The following KCNQ5 variants were observed in gnomAD, a reference collection of about 807,000 sequenced individuals.
KCNQ5 encodes potassium voltage-gated channel subfamily Q member 5.
In KCNQ5, 30 loss-of-function variants were observed where a neutral mutation model predicts 98.2. The observed-to-expected ratio is 0.31, with a 90% CI of 0.23 to 0.41. KCNQ5 has a LOEUF of 0.41. Ranked by LOEUF, KCNQ5 falls within the 10% of genes least tolerant of loss-of-function variation. The pLI is 1.00. For missense variants in KCNQ5, 835 were observed against 1,182.5 expected (o/e 0.71, Z 4.31); for synonymous variants, 458 against 449.4 (o/e 1.02, Z -0.24).
intron 2 of KCNQ5, among the ~76,000 whole-genome samples, chr6:73,018,646 A>G (rs1770458280): frequency 6.6e-6 from 1 of 152,130 alleles, no homozygotes; most frequent in Non-Finnish European, 1.5e-5. Context: ...TATAGTCCCC[A>G]TCGCTGTCTG....
In KCNQ5 at chr6:72,680,379, A is replaced by T. The variant is rs184055630; in HGVS notation, c.398+57792A>T. Among the ~76,000 whole-genome samples, 102 of 152,326 alleles carry T rather than the reference A, an allele frequency of 6.7e-4. 1 individual carries two copies. Among genetic ancestry groups the T allele is most frequent in the African/African-American group, 2.4e-3 (98 of 41,578 alleles). Reference sequence around the variant, plus strand: ...AATATTTCATTTCTTTTTACTGCTAAATAATATTCAGTTGTGTGGATATAC... The same window carrying T: ...AATATTTCATTTCTTTTTACTGCTATATAATATTCAGTTGTGTGGATATAC... On this transcript the variant is annotated intron_variant, in intron 1 of 13. Transcript: ENST00000370398.
At chr6:73,044,395 T>G (rs1231950040) in intron 3 of KCNQ5, among the ~76,000 whole-genome samples, 2 of 152,232 alleles carry the variant, frequency 1.3e-5, no homozygotes, top group Middle Eastern at 3.2e-3. Flanking sequence ...GGAAGAAAAT[T>G]TCATGGATAA....
chr6:72,711,833 A>T (rs537409677), intron 1 of KCNQ5, among the ~76,000 whole-genome samples: 1 of 152,338 alleles, frequency 6.6e-6, no homozygotes, highest in South Asian at 2.1e-4. Flanking sequence ...GTGCCATTTT[A>T]GAAGTGGAAA....
chr6:73,091,979 A>G (rs1774271679), intron 5 of KCNQ5, among the ~76,000 whole-genome samples: 1 of 151,864 alleles, frequency 6.6e-6, no homozygotes, highest in Non-Finnish European at 1.5e-5. Flanking sequence ...ATATGTTTCC[A>G]TTTGTTTGTG....
chr6:72,981,654 C>G (rs1246684680), intron 1 of KCNQ5, among the ~76,000 whole-genome samples: 1 of 152,190 alleles, frequency 6.6e-6, no homozygotes, highest in South Asian at 2.1e-4. Context: ...GTGTCTCTAA[C>G]TCCTTCAGTT....
chr6:73,099,724 A>G (rs1310018251), intron 5 of KCNQ5, among the ~76,000 whole-genome samples: 1 of 152,248 alleles, frequency 6.6e-6, no homozygotes, highest in Admixed American at 6.5e-5. Flanking sequence ...CCCCAAGTCA[A>G]TAATAGCTGG....
intron 1 of KCNQ5, among the ~76,000 whole-genome samples, chr6:72,867,967 CTACTAA>C (rs1212222192): frequency 6.7e-6 from 1 of 149,912 alleles, no homozygotes; most frequent in African/African-American, 2.5e-5. Context: ...ACTACTACTA[CTACTAA>C]TAATAATAAT....
At chr6:72,925,693 T>G (rs928091174) in intron 1 of KCNQ5, among the ~76,000 whole-genome samples, 4 of 152,138 alleles carry the variant, frequency 2.6e-5, no homozygotes, top group Non-Finnish European at 4.4e-5. Context: ...GTGGGCTTGT[T>G]GAAATCTAAA....
chr6:73,072,654 A>G (rs577204951), intron 3 of KCNQ5, among the ~76,000 whole-genome samples: 38 of 152,302 alleles, frequency 2.5e-4, no homozygotes, highest in African/African-American at 9.1e-4. Context: ...TGTGTCTTAA[A>G]TATCATTATG....
intron 1 of KCNQ5, among the ~76,000 whole-genome samples, chr6:72,767,493 T>G (rs937648484): frequency 1.3e-5 from 2 of 151,890 alleles, no homozygotes; most frequent in East Asian, 3.9e-4. Flanking sequence ...AAATTTGATT[T>G]CATCAAAGTT....
At chr6:73,161,069 C>T (rs1394172246) in intron 10 of KCNQ5, among the ~76,000 whole-genome samples, 1 of 152,066 alleles carries the variant, frequency 6.6e-6, no homozygotes, top group Admixed American at 6.5e-5. Flanking sequence ...CCTAAGTGCC[C>T]GTCAGTGAAT....
intron 1 of KCNQ5, among the ~76,000 whole-genome samples, chr6:72,757,736 A>G (rs1379700801): frequency 1.3e-5 from 2 of 152,182 alleles, no homozygotes; most frequent in East Asian, 1.9e-4. Flanking sequence ...TGTCCTTCAT[A>G]TACAAGATTT....
At chr6:72,822,964 C>T (rs1775823207) in intron 1 of KCNQ5, among the ~76,000 whole-genome samples, 2 of 152,116 alleles carry the variant, frequency 1.3e-5, no homozygotes, top group Non-Finnish European at 2.9e-5. Context: ...GACTTGGACC[C>T]TCCTGCTTCC....
intron 1 of KCNQ5, among the ~76,000 whole-genome samples, chr6:72,634,630 A>G (rs2098922915): frequency 6.6e-6 from 1 of 152,084 alleles, no homozygotes; most frequent in Non-Finnish European, 1.5e-5. Flanking sequence ...CAGTGGTGTG[A>G]TTTCGGCTCA....
intron 5 of KCNQ5, among the ~76,000 whole-genome samples, chr6:73,088,865 A>G (rs965855049): frequency 2.6e-5 from 4 of 152,128 alleles, no homozygotes; most frequent in South Asian, 2.1e-4. Flanking sequence ...ATTTATTTCT[A>G]TTGAACTTCC....
chr6:72,893,503 T>C (rs1779137060), intron 1 of KCNQ5, among the ~76,000 whole-genome samples: 1 of 152,188 alleles, frequency 6.6e-6, no homozygotes, highest in Admixed American at 6.5e-5. Context: ...TTCCCCAGCC[T>C]AATCTGCAAT....
intron 1 of KCNQ5, among the ~76,000 whole-genome samples, chr6:72,957,712 C>T (rs759442649): frequency 6.6e-6 from 1 of 152,104 alleles, no homozygotes. Context: ...TCCATAGCAT[C>T]GGGAGCTTAA....
chr6:72,973,178 C>G (rs1332061182), intron 1 of KCNQ5, among the ~76,000 whole-genome samples: 1 of 152,156 alleles, frequency 6.6e-6, no homozygotes, highest in African/African-American at 2.4e-5. Context: ...ATTTATTGGT[C>G]ATAGGTTACA....
intron 1 of KCNQ5, among the ~76,000 whole-genome samples, chr6:72,679,015 T>G (rs556239993): frequency 6.6e-6 from 1 of 152,334 alleles, no homozygotes; most frequent in Non-Finnish European, 1.5e-5. Context: ...AGTTGAGATT[T>G]ATAAACAAGG....
Sources: gnomAD v4.1 joint callset for allele counts (sites outside exome capture counted in the v4.1 genomes callset) on GRCh38, gnomAD v4.1.1 for gene constraint, MANE v1.5 for transcripts, NCBI Gene and HGNC (gene_info 2026-07-23, HGNC 2026-07-21) for gene names.